KY: variants seen among roughly 807,000 people sequenced by gnomAD.
KY encodes the protein kyphoscoliosis peptidase.
A neutral mutation model predicts 76.1 loss-of-function variants in KY; 43 were observed. That is an observed-to-expected ratio of 0.57 (90% confidence interval 0.44 to 0.73). The LOEUF (loss-of-function observed/expected upper bound fraction) is 0.73, where lower values mean the gene tolerates loss of function less well. Among genes scored for constraint, KY ranks in the 30% least tolerant of loss-of-function variants. The pLI is 0.00. For missense variants in KY, 722 were observed against 828.9 expected (o/e 0.87, Z 1.58); for synonymous variants, 277 against 326.2 (o/e 0.85, Z 1.63).
rs4245905 is a variant in KY, at chr3:134,610,022, C to T, written c.899+173G>A. Among the ~76,000 whole-genome samples, 95,275 of 151,892 alleles carry T rather than the reference C, an allele frequency of 0.63. 30,358 individuals are homozygous for T. Among genetic ancestry groups the T allele is most frequent in the East Asian group, 0.87 (4,481 of 5,150 alleles). ...GGTGAGGTGACAAAAGGGTCTGGGCCCTCACAATTGGCCTGGAGCCAGCCC... is the reference window on the plus strand; with the variant it reads ...GGTGAGGTGACAAAAGGGTCTGGGCTCTCACAATTGGCCTGGAGCCAGCCC... On this transcript the variant is annotated intron_variant, in intron 9 of 10. Transcript: ENST00000423778.
In KY at chr3:134,650,838, C is replaced by G. The variant is rs745313504; in HGVS notation, c.123G>C (p.Leu41=). 1 of 1,603,342 alleles carries G rather than the reference C, an allele frequency of 6.2e-7. No homozygotes were observed. The part of the protein sequence containing the change: ...SDQQANPSSL[L]QRGGGFQGVG... The stretch of plus-strand genomic sequence containing the variant: ...GGCGCGCGTTACCTCCTCCGCGCTG[C>G]AGCAGCGAGCTCGGGTTCGCCTGCT... The change falls in exon 1 of 11, where the codon CTG becomes CTC. Residue 41 remains leucine, a synonymous_variant. Transcript: ENST00000423778.
At chr3:134,624,907 A>G in intron 6 of KY, 146 bp downstream of exon 6, 1 of 703,102 alleles carries the variant, frequency 1.4e-6, no homozygotes, top group South Asian at 1.7e-5. Flanking sequence ...TTCTGTCCCC[A>G]CCCATATGCT....
intron 1 of KY, among the ~76,000 whole-genome samples, chr3:134,649,334 T>C (rs946934615): frequency 2.0e-5 from 3 of 152,172 alleles, no homozygotes; most frequent in Non-Finnish European, 4.4e-5. Context: ...GCCTGGTGTT[T>C]CCTGGGCTTC....
chr3:134,608,044 G>T, intron 10 of KY: 1 of 1,065,364 alleles, frequency 9.4e-7, no homozygotes, highest in Non-Finnish European at 1.1e-6. Flanking sequence ...CCCTAAGGAA[G>T]TCTGCCCCAA....
chr3:134,614,059 T>C (rs1034423922), intron 8 of KY, among the ~76,000 whole-genome samples: 2 of 152,110 alleles, frequency 1.3e-5, no homozygotes, highest in Admixed American at 6.5e-5. Flanking sequence ...GATGTGCTGA[T>C]AGTTGGAAGG....
chr3:134,646,020 G>C (rs1307064965), intron 2 of KY, among the ~76,000 whole-genome samples: 1 of 152,198 alleles, frequency 6.6e-6, no homozygotes, highest in African/African-American at 2.4e-5. Context: ...TGAGACAGCT[G>C]CAACCAACAA....
At chr3:134,609,518 G>A (rs1324568890) in intron 9 of KY, among the ~76,000 whole-genome samples, 2 of 152,160 alleles carry the variant, frequency 1.3e-5, no homozygotes, top group East Asian at 3.9e-4. Flanking sequence ...AATCGAGAGA[G>A]CACACTCATG....
chr3:134,635,051 T>C (rs901199423), intron 3 of KY, among the ~76,000 whole-genome samples: 1 of 152,216 alleles, frequency 6.6e-6, no homozygotes, highest in African/African-American at 2.4e-5. Context: ...TGTTGGGCAT[T>C]TATCCCAGAG....
Position 134,603,792 on chromosome 3 carries a change from G to A in KY, c.1773C>T (p.Ala591=), listed in dbSNP as rs1275322585. 4.3e-6 allele frequency: 7 copies of A among 1,613,286 alleles called. No homozygotes were observed. In the South Asian group the frequency reaches 4.4e-5, roughly 10 times the overall value. Residue 591 remains alanine, a synonymous_variant, in exon 11 of 11, where the codon GCC becomes GCT. Coordinates refer to ENST00000423778, the MANE Select transcript of KY (RefSeq NM_178554.6). ...LLEPLSGVLP[A]NRNVPFKLKL... is the part of the protein sequence containing the mutation. ...TCAATTTGAATGGGACATTCCGGTT[G>A]GCAGGAAGCACACCTGACAGAGGTT... is the stretch of plus-strand genomic sequence containing the variant.
At chr3:134,641,713 C>T (rs772265916) in intron 3 of KY, among the ~76,000 whole-genome samples, 33 of 152,164 alleles carry the variant, frequency 2.2e-4, no homozygotes, top group Non-Finnish European at 4.3e-4. Context: ...TATACAACCC[C>T]GCACAGCCCC....
At chr3:134,644,590 G>T (rs1303390068) in intron 2 of KY, among the ~76,000 whole-genome samples, 2 of 152,234 alleles carry the variant, frequency 1.3e-5, no homozygotes, top group African/African-American at 4.8e-5. Context: ...CTTGCAGTGG[G>T]CTTGTCACTG....
chr3:134,605,315 G>A (rs1230748218), intron 10 of KY, among the ~76,000 whole-genome samples: 1 of 152,130 alleles, frequency 6.6e-6, no homozygotes, highest in Non-Finnish European at 1.5e-5. Flanking sequence ...TCAGAAGCTG[G>A]TCATCTGCTC....
At chr3:134,639,672 A>C (rs1279105775) in intron 3 of KY, among the ~76,000 whole-genome samples, 1 of 151,958 alleles carries the variant, frequency 6.6e-6, no homozygotes, top group Non-Finnish European at 1.5e-5. Context: ...GGGGTCAGGC[A>C]TGGTGGCTTA....
rs1958893655 is a variant in KY, at chr3:134,600,021, A to G, written c.*3558T>C. On this transcript the variant is annotated 3_prime_UTR_variant, in exon 11 of 11. Coordinates refer to ENST00000423778, the MANE Select transcript of KY (RefSeq NM_178554.6). ...CACCGGCCCACACAACTCAATGCAC[A>G]CATTATGAGAAGTAATCACCTCTTT... 6.6e-6 allele frequency among the ~76,000 whole-genome samples: 1 copy of G among 152,270 alleles called. No individual in the cohort carries two copies. The highest frequency in any genetic ancestry group is 1.5e-5 in the Non-Finnish European group (1 of 68,042).
intron 3 of KY, among the ~76,000 whole-genome samples, chr3:134,641,549 G>C (rs896965056): frequency 6.6e-6 from 1 of 152,106 alleles, no homozygotes; most frequent in Admixed American, 6.6e-5. Context: ...CACCCCTAGA[G>C]CCTCTAAAAA....
chr3:134,615,577 T>C (rs1961404714), intron 8 of KY: 1 of 150,686 alleles, frequency 6.6e-6, no homozygotes, highest in African/African-American at 2.5e-5. Context: ...TATACACTTG[T>C]AGGTGGTATA....
rs1450958821 is a variant in KY, at chr3:134,603,479, G to A, written c.*100C>T. 8 of 1,056,236 alleles carry A rather than the reference G, an allele frequency of 7.6e-6. No individual in the cohort carries two copies. In the East Asian group the frequency reaches 1.2e-4, roughly 16 times the overall value. The allele number at this position is 1,056,236 out of a possible 1,614,324, so 65.4% of individuals were successfully genotyped here. A position where few individuals can be genotyped will look rare whatever the true frequency, so the allele number is the denominator to read the frequency against. On this transcript the variant is annotated 3_prime_UTR_variant, in exon 11 of 11. Coordinates refer to ENST00000423778, the MANE Select transcript of KY (RefSeq NM_178554.6). The stretch of plus-strand genomic sequence containing the variant: ...GGCAGAGGCCTAGAAGGGATTTCAT[G>A]CAGACTCAGTGGTGTCCAGGGCTCC...
intron 5 of KY, among the ~76,000 whole-genome samples, chr3:134,626,721 G>C (rs1374365257): frequency 6.6e-6 from 1 of 152,210 alleles, no homozygotes; most frequent in Non-Finnish European, 1.5e-5. Flanking sequence ...CATGGTTTGA[G>C]AGGCAATGCC....
At position 134,610,418 on chromosome 3, in the gene KY, C is replaced by T. The variant is rs200617947; in HGVS notation, c.711-35G>A. The stretch of plus-strand genomic sequence containing the variant: ...GGACAGGGGGTCTGAGAGGGGGATC[C>T]CGCTGTGGCTTGCCTCCAAGTCTGT... On this transcript the variant is annotated intron_variant, in intron 8 of 10. Transcript: ENST00000423778. 94 of 1,580,888 alleles carry T rather than the reference C, an allele frequency of 5.9e-5. No homozygotes were observed. The East Asian group carries it at 2.1e-3, about 35-fold the overall frequency.
Sources: allele counts gnomAD v4.1 joint callset (sites outside exome capture counted in the v4.1 genomes callset), GRCh38; gene constraint gnomAD v4.1.1; transcripts MANE v1.5; gene names NCBI Gene and HGNC (gene_info 2026-07-23, HGNC 2026-07-21).